Variants in LARP7 observed in about 807,000 individuals in gnomAD.
The protein encoded by LARP7 is La ribonucleoprotein 7, transcriptional regulator.
Under a neutral mutation model 69.3 loss-of-function variants are expected in LARP7, and 52 were observed. The ratio of observed to expected loss-of-function variants is 0.75; its 90% CI spans 0.60 to 0.95. The LOEUF (loss-of-function observed/expected upper bound fraction) is 0.95. Among genes scored for constraint, LARP7 ranks in the 40% least tolerant of loss-of-function variants. LARP7 has a pLI of 0.00. For missense variants in LARP7, 733 were observed against 673.0 expected (o/e 1.09, Z -0.99); for synonymous variants, 254 against 215.9 (o/e 1.18, Z -1.55).
At chr4:112,646,984 G>GA (rs1560931227) in intron 5 of LARP7, 29 bp downstream of exon 5, 2 of 1,459,740 alleles carry the variant, frequency 1.4e-6, no homozygotes, top group Non-Finnish European at 8.9e-7. Context: ...AAAAAAAAAA[G>GA]AAAGAAAAGA....
At chr4:112,644,283 G>A (rs1054901131) in intron 1 of LARP7, 20 of 279,112 alleles carry the variant, frequency 7.2e-5, no homozygotes, top group Middle Eastern at 9.2e-4. Flanking sequence ...CTGGGGTGGG[G>A]CGGGGGCGGG....
chr4:112,638,499 T>A (rs2047804594), intron 1 of LARP7, among the ~76,000 whole-genome samples: 1 of 152,204 alleles, frequency 6.6e-6, no homozygotes, highest in Non-Finnish European at 1.5e-5. Context: ...TGCAATTAAT[T>A]ATTGTCCTGA....
chr4:112,653,936 A>G, intron 11 of LARP7, 132 bp from the exon 12 acceptor site: 1 of 677,526 alleles, frequency 1.5e-6, no homozygotes, highest in South Asian at 1.9e-5. Flanking sequence ...TCTATTCTGT[A>G]ATATGTGTAA....
Position 112,650,508 on chromosome 4 carries a change from G to A in LARP7, c.1342G>A (p.Gly448Arg). 1 of 1,613,788 alleles carries A rather than the reference G, an allele frequency of 6.2e-7. No homozygotes were observed. The highest frequency in any genetic ancestry group is 8.5e-7 in the Non-Finnish European group (1 of 1,179,798). ...CRTQEKVNAT[G>R]PQFVSGVIVK... ...CACCCAGGAGAAAGTTAATGCAACA[G>A]GACCACAGTTCGTGAGTGGAGTGAT... Residue 448 changes from glycine (G) to arginine (R), a missense_variant, in exon 10 of 13, where the codon GGA becomes AGA. Gly to Arg is a moderately radical substitution (Grantham distance 125). Coordinates refer to ENST00000344442, the MANE Select transcript of LARP7 (RefSeq NM_016648.4).
Position 112,647,214 on chromosome 4 carries a change from AAAAG to A in LARP7, c.665_668del (p.Lys222ArgfsTer6), listed in dbSNP as rs777120997. 5 of 1,590,048 alleles carry A rather than the reference AAAAG, an allele frequency of 3.1e-6. No homozygotes were observed. The South Asian group carries it at 4.6e-5, about 15-fold the overall frequency. Reference sequence around the variant, plus strand: ...ACTTTTACAGAAGAGAAGAAAAAGAAAAAGAAGAAGAAAGGCCGAATGAAAAAGG... The same window carrying A: ...ACTTTTACAGAAGAGAAGAAAAAGAAAAGAAGAAAGGCCGAATGAAAAAGG... On this transcript the variant is annotated frameshift_variant, in exon 7 of 13. Transcript: ENST00000344442. LOFTEE classifies it high-confidence loss of function.
chr4:112,639,420 C>T (rs1466642642), intron 1 of LARP7, among the ~76,000 whole-genome samples: 1 of 151,880 alleles, frequency 6.6e-6, no homozygotes, highest in Non-Finnish European at 1.5e-5. Flanking sequence ...TTAGTAGAGA[C>T]GTGGTCTCAC....
At position 112,647,075 on chromosome 4, in the gene LARP7, C is replaced by T; in HGVS notation, c.594C>T (p.Gly198=). 4 of 1,611,740 alleles carry T rather than the reference C, an allele frequency of 2.5e-6. No homozygotes were observed. The highest frequency in any genetic ancestry group is 3.4e-6 in the Non-Finnish European group (4 of 1,179,520). ...NPPEEAPRKP[G]IFPKTVKNKP... ...CAGAAGAAGCACCAAGAAAACCTGG[C>T]ATATTTCCTAAAACAGTGAAAAATA... The change falls in exon 6 of 13, where the codon GGC becomes GGT. Residue 198 remains glycine, a synonymous_variant. Coordinates refer to ENST00000344442, the MANE Select transcript of LARP7 (RefSeq NM_016648.4).
In LARP7 at chr4:112,647,507, G is replaced by A; in HGVS notation, c.955G>A (p.Asp319Asn). 1.2e-6 allele frequency: 2 copies of A among 1,613,038 alleles called. No homozygotes were observed. Among genetic ancestry groups the A allele is most frequent in the Non-Finnish European group, 8.5e-7 (1 of 1,179,528 alleles). Residue 319 changes from aspartate (D) to asparagine (N), a missense_variant, in exon 7 of 13, where the codon GAC becomes AAC. Transcript: ENST00000344442. Reference protein sequence around the residue: ...RSKVKKIIQKDIIKEASEASK... With the variant: ...RSKVKKIIQKNIIKEASEASK... ...AAAAGTAAAGAAAATTATTCAGAAA[G>A]ACATCATTAAGGAAGCATCAGAAGC...
intron 9 of LARP7, 58 bp from the exon 10 acceptor site, chr4:112,650,403 A>G (rs2048668595): frequency 6.4e-7 from 1 of 1,563,998 alleles, no homozygotes; most frequent in Admixed American, 1.8e-5. Flanking sequence ...CCTCCTAAGT[A>G]TTAAATTGTT....
In LARP7 at chr4:112,657,457, T is replaced by C. The variant is rs2149292251; in HGVS notation, c.*130T>C. On this transcript the variant is annotated 3_prime_UTR_variant, in exon 13 of 13. Coordinates refer to ENST00000344442, the MANE Select transcript of LARP7 (RefSeq NM_016648.4). ...AAAAGAAATATCTTTGTTCCTCAACTTGTAAATAAGACTTTTTTCTAGAGA... is the reference window on the plus strand; with the variant it reads ...AAAAGAAATATCTTTGTTCCTCAACCTGTAAATAAGACTTTTTTCTAGAGA... 2.3e-6 allele frequency: 1 copy of C among 426,752 alleles called. No individual in the cohort carries two copies. 26.4% of individuals were successfully genotyped at this position (426,752 alleles called of 1,614,324 possible).
intron 1 of LARP7, chr4:112,644,369 C>G: frequency 1.9e-6 from 1 of 520,514 alleles, no homozygotes; most frequent in Non-Finnish European, 2.9e-6. Flanking sequence ...TTTTCACTTA[C>G]TGACTTAAAA....
intron 1 of LARP7, among the ~76,000 whole-genome samples, chr4:112,641,731 T>G (rs997277204): frequency 6.6e-6 from 1 of 152,220 alleles, no homozygotes; most frequent in Non-Finnish European, 1.5e-5. Context: ...AATTGGTGTT[T>G]CTGAGATAGG....
intron 9 of LARP7, among the ~76,000 whole-genome samples, 154 bp from the exon 10 acceptor site, chr4:112,650,307 A>G (rs2048663080): frequency 6.6e-6 from 1 of 152,222 alleles, no homozygotes; most frequent in Non-Finnish European, 1.5e-5. Context: ...AATAAGCAGT[A>G]TGACATATAA....
At chr4:112,649,200 C>T (rs910175432) in intron 8 of LARP7, among the ~76,000 whole-genome samples, 12 of 152,066 alleles carry the variant, frequency 7.9e-5, no homozygotes, top group Admixed American at 7.9e-4. Flanking sequence ...TCTTTAATCT[C>T]GCCCTTTTCC....
intron 1 of LARP7, among the ~76,000 whole-genome samples, chr4:112,638,290 C>T (rs1250386240): frequency 6.6e-6 from 1 of 151,742 alleles, no homozygotes; most frequent in African/African-American, 2.4e-5. Context: ...AGAGAGGCTG[C>T]GTCTCCAAAC....
At chr4:112,652,293 TCC>T (rs58727958) in intron 10 of LARP7, among the ~76,000 whole-genome samples, 34 of 97,244 alleles carry the variant, frequency 3.5e-4, no homozygotes, top group Admixed American at 6.3e-4. Context: ...AAATAAGATT[TCC>T]CCCCCCCCCC....
chr4:112,653,978 A>C (rs1246089790), intron 11 of LARP7, 90 bp from the exon 12 acceptor site: 2 of 863,766 alleles, frequency 2.3e-6, no homozygotes, highest in Non-Finnish European at 3.8e-6. Flanking sequence ...AAACTGTCCT[A>C]GTTACTATTA....
At chr4:112,646,303 A>G (rs1488239470) in intron 2 of LARP7, 48 bp from the exon 3 acceptor site, 2 of 968,720 alleles carry the variant, frequency 2.1e-6, no homozygotes, top group South Asian at 2.9e-5. Context: ...ACCAAATTGA[A>G]TTAATCCTGC....
intron 10 of LARP7, among the ~76,000 whole-genome samples, chr4:112,651,614 GA>G (rs67465332): frequency 0.11 from 16,823 of 152,054 alleles, 2,788 homozygotes; most frequent in African/African-American, 0.36. Flanking sequence ...CATCATTTAT[GA>G]TCATCAAAAT....
Sources: gnomAD v4.1 joint callset for allele counts (sites outside exome capture counted in the v4.1 genomes callset) on GRCh38, gnomAD v4.1.1 for gene constraint, MANE v1.5 for transcripts, NCBI Gene and HGNC (gene_info 2026-07-23, HGNC 2026-07-21) for gene names.